ST6GALNAC3: variants seen among roughly 807,000 people sequenced by gnomAD.
ST6GALNAC3 encodes the protein alpha-N-acetylgalactosaminide alpha-2,6-sialyltransferase 3.
Under a neutral mutation model 32.7 loss-of-function variants are expected in ST6GALNAC3, and 25 were observed. The ratio of observed to expected loss-of-function variants is 0.76; its 90% confidence interval spans 0.56 to 1.07. The LOEUF (loss-of-function observed/expected upper bound fraction) is 1.07. ST6GALNAC3 is among the 50% of genes least tolerant of loss of function. The pLI, the probability that ST6GALNAC3 is intolerant of heterozygous loss-of-function variation, is 0.00. For missense variants in ST6GALNAC3, 355 were observed against 382.4 expected (o/e 0.93, Z 0.60); for synonymous variants, 129 against 133.1 (o/e 0.97, Z 0.21).
At chr1:76,268,658 G>A (rs1164456692) in intron 1 of ST6GALNAC3, among the ~76,000 whole-genome samples, 1 of 152,206 alleles carries the variant, frequency 6.6e-6, no homozygotes, top group African/African-American at 2.4e-5. Context: ...CAGTTTGACA[G>A]CAACCCAAAT....
chr1:76,102,655 G>A (rs375097549), intron 1 of ST6GALNAC3, among the ~76,000 whole-genome samples: 1 of 151,710 alleles, frequency 6.6e-6, no homozygotes, highest in Admixed American at 6.6e-5. Context: ...CACTTTAATG[G>A]CATTTATCAC....
intron 2 of ST6GALNAC3, among the ~76,000 whole-genome samples, chr1:76,402,467 C>G (rs1653498966): frequency 6.6e-6 from 1 of 152,170 alleles, no homozygotes; most frequent in Non-Finnish European, 1.5e-5. Flanking sequence ...TATTTCTCAA[C>G]TTCCAACTTT....
chr1:76,159,720 A>G (rs393933), intron 1 of ST6GALNAC3, among the ~76,000 whole-genome samples: 21,344 of 152,336 alleles, frequency 0.14, 1,741 homozygotes, highest in Non-Finnish European at 0.19. Context: ...AAAACAACTA[A>G]GTATAACACA....
rs895787508 is a variant in ST6GALNAC3, at chr1:76,127,390, G to C, written c.18+52506G>C. On this transcript the variant is annotated intron_variant, in intron 1 of 4. Coordinates refer to ENST00000328299, the MANE Select transcript of ST6GALNAC3 (RefSeq NM_152996.4). ...CTCTCATAACAGATGGTGATGAGGTGCATGGTAGGAAGCATGGCAAGAACT... is the reference window on the plus strand; with the variant it reads ...CTCTCATAACAGATGGTGATGAGGTCCATGGTAGGAAGCATGGCAAGAACT... Among the ~76,000 whole-genome samples the C allele has an allele frequency of 3.3e-5, 5 of 152,204 alleles. No homozygotes were observed. In the East Asian group the frequency reaches 9.6e-4, roughly 29 times the overall value.
intron 1 of ST6GALNAC3, among the ~76,000 whole-genome samples, chr1:76,090,176 T>C (rs768623519): frequency 2.0e-5 from 3 of 152,234 alleles, no homozygotes; most frequent in Non-Finnish European, 2.9e-5. Flanking sequence ...GAGAGAATCA[T>C]TTAGGAAGGA....
chr1:76,184,556 C>T (rs995315880), intron 1 of ST6GALNAC3, among the ~76,000 whole-genome samples: 3 of 148,706 alleles, frequency 2.0e-5, no homozygotes, highest in Non-Finnish European at 3.0e-5. Flanking sequence ...CACACACACA[C>T]ACACACGAAA....
intron 3 of ST6GALNAC3, among the ~76,000 whole-genome samples, chr1:76,626,871 A>G (rs1648999868): frequency 1.3e-5 from 2 of 151,968 alleles, no homozygotes; most frequent in Admixed American, 6.6e-5. Context: ...TACAATGAAG[A>G]AGTTGGTAAC....
rs60123935 is a variant in ST6GALNAC3 at position 76,213,443 on chromosome 1, G to T, written c.19-100362G>T. Among the ~76,000 whole-genome samples the T allele has an allele frequency of 1.9e-3, 287 of 152,286 alleles. 3 individuals carry two copies. The highest frequency in any genetic ancestry group is 6.7e-3 in the African/African-American group (277 of 41,556). The stretch of plus-strand genomic sequence containing the variant: ...TTAAGTCAAGGAAATTTGATTGTGG[G>T]TTGTTTGTTACAGTAGCTTGTGTTA... On this transcript the variant is annotated intron_variant, in intron 1 of 4. Transcript: ENST00000328299.
At chr1:76,183,275 A>G (rs1241444662) in intron 1 of ST6GALNAC3, among the ~76,000 whole-genome samples, 1 of 152,156 alleles carries the variant, frequency 6.6e-6, no homozygotes, top group Non-Finnish European at 1.5e-5. Flanking sequence ...GTTTATTGAT[A>G]TAGTATTACA....
At chr1:76,245,471 G>A (rs1168412034) in intron 1 of ST6GALNAC3, among the ~76,000 whole-genome samples, 1 of 151,908 alleles carries the variant, frequency 6.6e-6, no homozygotes, top group Non-Finnish European at 1.5e-5. Context: ...TCTTCTGCTA[G>A]GCTTTGAATT....
chr1:76,155,961 C>A (rs1242135053), intron 1 of ST6GALNAC3, among the ~76,000 whole-genome samples: 1 of 152,150 alleles, frequency 6.6e-6, no homozygotes, highest in Non-Finnish European at 1.5e-5. Context: ...CAGGATACCG[C>A]CTTACCTTAG....
At chr1:76,393,358 G>A (rs904663273) in intron 2 of ST6GALNAC3, among the ~76,000 whole-genome samples, 1 of 152,068 alleles carries the variant, frequency 6.6e-6, no homozygotes, top group African/African-American at 2.4e-5. Context: ...ATTTCTGTGG[G>A]GCAGTGGGAG....
intron 3 of ST6GALNAC3, among the ~76,000 whole-genome samples, chr1:76,439,385 A>G (rs936719697): frequency 6.6e-6 from 1 of 152,228 alleles, no homozygotes; most frequent in Admixed American, 6.5e-5. Context: ...CGTGGTGTAT[A>G]CAAATGAAAA....
Position 76,230,382 on chromosome 1 carries a change from G to A in ST6GALNAC3, c.19-83423G>A, listed in dbSNP as rs533761407. On this transcript the variant is annotated intron_variant, in intron 1 of 4. Coordinates refer to ENST00000328299, the MANE Select transcript of ST6GALNAC3 (RefSeq NM_152996.4). The stretch of plus-strand genomic sequence containing the variant: ...TGTAATTATGGAGCTTTAATAGGAT[G>A]AAAGAAAAGAAGGATGCAAAAATAC... Among the ~76,000 whole-genome samples the A allele has an allele frequency of 2.6e-5, 4 of 152,194 alleles. No homozygotes were observed. In the East Asian group the frequency reaches 5.8e-4, roughly 22 times the overall value.
intron 3 of ST6GALNAC3, among the ~76,000 whole-genome samples, chr1:76,615,416 C>T (rs1425657447): frequency 6.6e-6 from 1 of 152,054 alleles, no homozygotes; most frequent in East Asian, 1.9e-4. Context: ...TTCTGTTCAT[C>T]CACGCCTGCT....
chr1:76,317,255 C>T (rs965328666), intron 2 of ST6GALNAC3, among the ~76,000 whole-genome samples: 1 of 152,136 alleles, frequency 6.6e-6, no homozygotes, highest in Non-Finnish European at 1.5e-5. Context: ...CATGCTCTTA[C>T]TCCCAAATGA....
At chr1:76,423,368 C>G (rs559831682) in intron 3 of ST6GALNAC3, among the ~76,000 whole-genome samples, 1 of 151,978 alleles carries the variant, frequency 6.6e-6, no homozygotes, top group East Asian at 1.9e-4. Context: ...ATTGGCATTG[C>G]TGAAAAGAAA....
At chr1:76,374,709 T>C (rs17627816) in intron 2 of ST6GALNAC3, among the ~76,000 whole-genome samples, 28,989 of 152,154 alleles carry the variant, frequency 0.19, 3,404 homozygotes, top group Admixed American at 0.3. Context: ...CAGCTGTGGC[T>C]CTATCATCTT....
At chr1:76,524,553 A>G (rs1662749475) in intron 3 of ST6GALNAC3, among the ~76,000 whole-genome samples, 2 of 152,114 alleles carry the variant, frequency 1.3e-5, no homozygotes, top group South Asian at 4.1e-4. Flanking sequence ...AATCATATAT[A>G]GTAGGTATTC....
Sources: allele counts gnomAD v4.1 joint callset (sites outside exome capture counted in the v4.1 genomes callset), GRCh38; gene constraint gnomAD v4.1.1; transcripts MANE v1.5; gene names NCBI Gene and HGNC (gene_info 2026-07-23, HGNC 2026-07-21).